NEURL4: variants seen among roughly 807,000 people sequenced by gnomAD.
NEURL4 encodes neuralized-like protein 4.
In NEURL4, 45 loss-of-function variants were observed where a neutral mutation model predicts 148.0. That is an observed-to-expected ratio of 0.30 (90% CI 0.24 to 0.39). The LOEUF is 0.39. Ranked by LOEUF, NEURL4 falls within the 10% of genes least tolerant of loss-of-function variation. NEURL4 has a pLI of 1.00. For missense variants in NEURL4, 1,776 were observed against 2,144.0 expected (o/e 0.83, Z 3.39); for synonymous variants, 854 against 869.0 (o/e 0.98, Z 0.30).
chr17:7,323,359 G>A, intron 14 of NEURL4, 126 bp downstream of exon 14: 1 of 1,040,250 alleles, frequency 9.6e-7, no homozygotes, highest in Non-Finnish European at 1.4e-6. Context: ...AGAATTCAAG[G>A]GGAGGGGACA....
In NEURL4 at chr17:7,321,934, C is replaced by T. The variant is rs1567620456; in HGVS notation, c.2802G>A (p.Val934=). ...GGCCATGAGCATAGCCAGCGGCACG[C>T]ACTGCCCTCGTGCCATCCTCCTCTA... is the stretch of plus-strand genomic sequence containing the variant. ...VTLEEDGTRA[V]RAAGYAHGLV... Residue 934 remains valine (V), a synonymous_variant, in exon 17 of 29, where the codon GTG becomes GTA. Transcript: ENST00000399464. The surrounding 1 kb of genome is among the most constrained non-coding windows in gnomAD (Gnocchi z 6.3). 1 of 1,613,958 alleles carries T rather than the reference C, an allele frequency of 6.2e-7. No individual in the cohort carries two copies.
chr17:7,320,982 CA>C, intron 20 of NEURL4, 59 bp from the exon 21 acceptor site: 1 of 1,603,570 alleles, frequency 6.2e-7, no homozygotes, highest in Non-Finnish European at 8.5e-7. Flanking sequence ...TGACCCACCC[CA>C]CTGGAGTTTG....
Position 7,327,547 on chromosome 17 carries a change from G to A in NEURL4, c.620C>T (p.Pro207Leu). The change falls in exon 2 of 29, where the codon CCT (proline) becomes CTT (leucine). Residue 207 changes from proline (P) to leucine (L), a missense_variant. Pro to Leu is a moderately conservative substitution (Grantham distance 98). Transcript: ENST00000399464. The surrounding 1 kb of genome is among the most constrained non-coding windows in gnomAD (Gnocchi z 6.6). ...GKCTQITVLP[P>L]EPGFSPPTPI... is the part of the protein sequence containing the mutation. ...AGTAGGGGGGCTGAAGCCTGGCTCA[G>A]GGGGTAGCACGGTGATCTGGGTGCA... The A allele has an allele frequency of 3.1e-6, 5 of 1,609,824 alleles. No individual in the cohort carries two copies. The South Asian group carries it at 5.5e-5, about 18-fold the overall frequency.
Position 7,324,996 on chromosome 17 carries a change from G to C in NEURL4, c.1632-16C>G. The C allele has an allele frequency of 6.2e-7, 1 of 1,613,424 alleles. No individual in the cohort carries two copies. Among genetic ancestry groups the C allele is most frequent in the Non-Finnish European group, 8.5e-7 (1 of 1,179,522 alleles). ...ATCGGTGGCACTGAGGGCACAGCAA[G>C]TGGAGAGTCAGATCCCCAACACACG... is the stretch of plus-strand genomic sequence containing the variant. On this transcript the variant is annotated splice_polypyrimidine_tract_variant and intron_variant, in intron 8 of 28. Coordinates refer to ENST00000399464, the MANE Select transcript of NEURL4 (RefSeq NM_032442.3). The surrounding 1 kb of genome is among the most constrained non-coding windows in gnomAD (Gnocchi z 5.9).
In NEURL4 at chr17:7,317,408, C is replaced by T. The variant is rs760121455; in HGVS notation, c.4319-38G>A. The T allele has an allele frequency of 1.9e-6, 3 of 1,609,036 alleles. No homozygotes were observed. The Admixed American group carries it at 5.0e-5, about 27-fold the overall frequency. ...CTGGGTCAGGATAGCCCTTTTTATT[C>T]CTCCACAGCCCCCCAGGCTCAGCCC... On this transcript the variant is annotated intron_variant, in intron 27 of 28. Coordinates refer to ENST00000399464, the MANE Select transcript of NEURL4 (RefSeq NM_032442.3).
In NEURL4 at chr17:7,323,881, C is replaced by T. The variant is rs199714585; in HGVS notation, c.2194G>A (p.Gly732Arg). ...LHGSNAVITNGGRTALRHNCR... is the reference protein window; with the variant it reads ...LHGSNAVITNRGRTALRHNCR... ...TTGTGGCGGAGGGCGGTGCGGCCCC[C>T]GTTAGTGATGACTGCGTTACTGCCG... The change falls in exon 12 of 29, where the codon GGG becomes AGG. Residue 732 changes from glycine to arginine, a missense_variant. Coordinates refer to ENST00000399464, the MANE Select transcript of NEURL4 (RefSeq NM_032442.3). The T allele has an allele frequency of 9.9e-5, 160 of 1,613,874 alleles. No individual in the cohort carries two copies. Among genetic ancestry groups the T allele is most frequent in the Non-Finnish European group, 1.1e-4 (131 of 1,180,042 alleles).
chr17:7,324,059 C>T lies in NEURL4; in HGVS notation c.2063-47G>A, dbSNP rs960656508. ...ATCAGGTCTCTAGGTGTCTCTCAGA[C>T]CTCCCAAGGCCACCCTAACCCCCAG... On this transcript the variant is annotated intron_variant, in intron 11 of 28. Transcript: ENST00000399464. This position sits in a 1 kb window ranked among gnomAD's most constrained non-coding sequence, Gnocchi z 5.9. 8 of 1,608,988 alleles carry T rather than the reference C, an allele frequency of 5.0e-6. No individual in the cohort carries two copies. In the African/African-American group the frequency reaches 1.1e-4, roughly 21 times the overall value.
At position 7,318,583 on chromosome 17, in the gene NEURL4, T is replaced by C. The variant is rs765935159; in HGVS notation, c.3776A>G (p.His1259Arg). The C allele has an allele frequency of 6.2e-7, 1 of 1,614,026 alleles. No individual in the cohort carries two copies. Residue 1259 changes from histidine to arginine, a missense_variant, in exon 23 of 29, where the codon CAT becomes CGT. By Grantham distance (29) the His-to-Arg change is conservative. Coordinates refer to ENST00000399464, the MANE Select transcript of NEURL4 (RefSeq NM_032442.3). The surrounding 1 kb of genome is among the most constrained non-coding windows in gnomAD (Gnocchi z 4.3). ...RLDSSGGLHLHVNGVDQGVAV... is the reference protein window; with the variant it reads ...RLDSSGGLHLRVNGVDQGVAV... ...TACCCCCTGGTCCACCCCATTAACA[T>C]GAAGATGCAGCCCCCCAGAGCTGTC...
chr17:7,324,358 C>G lies in NEURL4; in HGVS notation c.1899+37G>C, dbSNP rs371400717. 2.7e-5 allele frequency: 43 copies of G among 1,613,762 alleles called. No individual in the cohort carries two copies. The African/African-American group carries it at 3.3e-4, about 13-fold the overall frequency. ...ATCAGCCCCGCGGTGTTTGTGATGC[C>G]CGCTGCGGCCGCCAGGCGGCGCACC... On this transcript the variant is annotated intron_variant, in intron 10 of 28. Coordinates refer to ENST00000399464, the MANE Select transcript of NEURL4 (RefSeq NM_032442.3). This position sits in a 1 kb window ranked among gnomAD's most constrained non-coding sequence, Gnocchi z 5.9.
Position 7,323,978 on chromosome 17 carries a change from C to A in NEURL4, c.2097G>T (p.Gly699=), listed in dbSNP as rs749876158. The A allele has an allele frequency of 2.5e-6, 4 of 1,611,590 alleles. No individual in the cohort carries two copies. The highest frequency in any genetic ancestry group is 3.4e-6 in the Non-Finnish European group (4 of 1,180,022). Residue 699 remains glycine, a synonymous_variant, in exon 12 of 29, where the codon GGG becomes GGT. Coordinates refer to ENST00000399464, the MANE Select transcript of NEURL4 (RefSeq NM_032442.3). Reference sequence around the variant, plus strand: ...GAGAGCTTGGAGACACCTGGTTGTTCCCCTCAGGGAGTGGTTCAGGAACTG... The same window carrying A: ...GAGAGCTTGGAGACACCTGGTTGTTACCCTCAGGGAGTGGTTCAGGAACTG... ...VAPVPEPLPE[G]NNQVSPSSPS...
chr17:7,327,523 G>C lies in NEURL4; in HGVS notation c.644C>G (p.Thr215Ser). Residue 215 changes from threonine (T) to serine (S), a missense_variant, in exon 2 of 29, where the codon ACT becomes AGT. Coordinates refer to ENST00000399464, the MANE Select transcript of NEURL4 (RefSeq NM_032442.3). The surrounding 1 kb of genome is among the most constrained non-coding windows in gnomAD (Gnocchi z 6.6). ...CTCGAGGGGAGGTGTGGGGATGGGA[G>C]TAGGGGGGCTGAAGCCTGGCTCAGG... ...LPPEPGFSPP[T>S]PIPTPPLEPL... 1 of 1,605,874 alleles carries C rather than the reference G, an allele frequency of 6.2e-7. No homozygotes were observed. The highest frequency in any genetic ancestry group is 1.3e-5 in the African/African-American group (1 of 75,016).
chr17:7,321,293 C>T lies in NEURL4; in HGVS notation c.3199-20G>A, dbSNP rs2073029925. ...CACGTTCTGGGAGGCACACAAGACCCAGAAAATCAGAGATCAGCAGAAGAC... is the reference window on the plus strand; with the variant it reads ...CACGTTCTGGGAGGCACACAAGACCTAGAAAATCAGAGATCAGCAGAAGAC... On this transcript the variant is annotated intron_variant, in intron 19 of 28. Transcript: ENST00000399464. The surrounding 1 kb of genome is among the most constrained non-coding windows in gnomAD (Gnocchi z 6.3). The T allele has an allele frequency of 1.2e-6, 2 of 1,612,926 alleles. No individual in the cohort carries two copies. Among genetic ancestry groups the T allele is most frequent in the Admixed American group, 1.7e-5 (1 of 59,976 alleles).
rs1233000226 is a variant in NEURL4 at position 7,319,174 on chromosome 17, G to A, written c.3560C>T (p.Ser1187Phe). The change falls in exon 22 of 29, where the codon TCT becomes TTT. Residue 1187 changes from serine (S) to phenylalanine (F), a missense_variant. Physicochemically the swap from Ser to Phe is radical, Grantham distance 155. Transcript: ENST00000399464. ...GGTGATGACTCCCAGGACAAGGGAA[G>A]ATGTCCACTGTCGGTTTAGGAAATC... ...RIDFLNRQWT[S>F]SLVLGVITCA... The A allele has an allele frequency of 1.2e-6, 2 of 1,613,536 alleles. No homozygotes were observed. Among genetic ancestry groups the A allele is most frequent in the Admixed American group, 1.7e-5 (1 of 59,876 alleles).
intron 14 of NEURL4, 75 bp from the exon 15 acceptor site, chr17:7,323,198 G>A: frequency 1.4e-6 from 2 of 1,478,486 alleles, no homozygotes; most frequent in South Asian, 1.2e-5. Context: ...CTCCCTGTCT[G>A]TCAGAACCCT....
intron 12 of NEURL4, 34 bp from the exon 13 acceptor site, chr17:7,323,757 T>G: frequency 1.2e-6 from 2 of 1,613,814 alleles, no homozygotes; most frequent in Non-Finnish European, 1.7e-6. Flanking sequence ...GAGGCTCTAC[T>G]TGCATGGCTG....
At chr17:7,325,150 G>C (rs1046874028) in intron 8 of NEURL4, 59 bp downstream of exon 8, 63,994 of 536,820 alleles carry the variant, frequency 0.12, 45 homozygotes, top group South Asian at 0.19. Flanking sequence ...TCCTTGCCCC[G>C]CCCCCCCCCC....
Position 7,316,201 on chromosome 17 carries a change from G to A in NEURL4, c.4611C>T (p.Phe1537=). 6.2e-7 allele frequency: 1 copy of A among 1,610,270 alleles called. No homozygotes were observed. The highest frequency in any genetic ancestry group is 1.3e-5 in the African/African-American group (1 of 74,956). Residue 1537 remains phenylalanine (F), a synonymous_variant, in exon 29 of 29, where the codon TTC becomes TTT. Coordinates refer to ENST00000399464, the MANE Select transcript of NEURL4 (RefSeq NM_032442.3). ...TGACCCACTCAAGTTCGGCTGGACTGAAGTGAGGGTCAGGAGGTTCTCCAA... is the reference window on the plus strand; with the variant it reads ...TGACCCACTCAAGTTCGGCTGGACTAAAGTGAGGGTCAGGAGGTTCTCCAA... The part of the protein sequence containing the change: ...AALGEPPDPH[F]SPAELEWVTK...
chr17:7,316,135 T>C lies in NEURL4; in HGVS notation c.4677A>G (p.Val1559=), dbSNP rs1252866894. The change falls in exon 29 of 29, where the codon GTA becomes GTG. Residue 1559 remains valine (V), a synonymous_variant. Transcript: ENST00000399464. ...KGATLLCALL[V]RVE is the part of the protein sequence containing the mutation. ...GGTGTCTCACCCCTCATTCCACCCG[T>C]ACCAGCAGGGCACAGAGGAGTGTGG... 3.9e-6 allele frequency: 6 copies of C among 1,542,830 alleles called. No homozygotes were observed. In the Admixed American group the frequency reaches 6.7e-5, roughly 17 times the overall value.
chr17:7,325,145 G>GCACC, intron 8 of NEURL4, 64 bp downstream of exon 8: 1 of 830,652 alleles, frequency 1.2e-6, no homozygotes, highest in Non-Finnish European at 1.8e-6. Flanking sequence ...CCACTTCCTT[G>GCACC]CCCCGCCCCC....
Sources: gnomAD v4.1 joint callset for allele counts on GRCh38, gnomAD v4.1.1 for gene constraint, Gnocchi (gnomAD v3.1) non-coding constraint, MANE v1.5 for transcripts, NCBI Gene and HGNC (gene_info 2026-07-23, HGNC 2026-07-21) for gene names.